Variants in ZNF599 observed in about 807,000 individuals in gnomAD.
ZNF599 encodes the protein zinc finger protein 599.
ZNF599 carries 10 observed loss-of-function variants against 11.7 expected under a neutral mutation model. The observed-to-expected ratio is 0.86, with a 90% CI of 0.53 to 1.45. ZNF599 has a LOEUF of 1.45. Among genes scored for constraint, ZNF599 ranks in the 40% most tolerant of loss-of-function variants. The pLI is 0.00. For synonymous variants in ZNF599, 232 were observed against 253.2 expected (o/e 0.92, Z 0.79); for missense variants, 688 against 713.6 (o/e 0.96, Z 0.41).
chr19:34,771,576 C>T (rs1377472141), intron 1 of ZNF599, among the ~76,000 whole-genome samples: 3 of 152,028 alleles, frequency 2.0e-5, no homozygotes, highest in East Asian at 1.9e-4. Context: ...AGAGATCTGG[C>T]GACAATGTGA....
At chr19:34,791,334 T>C in the ZNF599 span, among the ~76,000 whole-genome samples, 1 of 152,222 alleles carries the variant, frequency 6.6e-6, no homozygotes, top group African/African-American at 2.4e-5. Context: ...AAGCTTTAAA[T>C]TGAGCCACAT....
chr19:34,775,015 T>C (rs558104209), upstream of ZNF599, among the ~76,000 whole-genome samples: 1 of 152,342 alleles, frequency 6.6e-6, no homozygotes, highest in Non-Finnish European at 1.5e-5. Context: ...CACTCTCTCT[T>C]GCTCCTGCTC....
At chr19:34,777,542 C>CA (rs1198837244), upstream of ZNF599, among the ~76,000 whole-genome samples, 1 of 113,484 alleles carries the variant, frequency 8.8e-6, no homozygotes, top group Non-Finnish European at 1.7e-5. Flanking sequence ...ATCTATATAT[C>CA]TATATTATAT....
the ZNF599 span, among the ~76,000 whole-genome samples, chr19:34,803,746 G>T: frequency 6.6e-6 from 1 of 152,122 alleles, no homozygotes; most frequent in African/African-American, 2.4e-5. Flanking sequence ...TTCTTGCCAA[G>T]AAATTACCAG....
At chr19:34,789,074 A>G in the ZNF599 span, among the ~76,000 whole-genome samples, 13 of 152,144 alleles carry the variant, frequency 8.5e-5, no homozygotes, top group Admixed American at 2.0e-4. Context: ...GTATCCTTTG[A>G]GCAACTTTTC....
chr19:34,777,960 A>G (rs2069229603), upstream of ZNF599, among the ~76,000 whole-genome samples: 1 of 152,106 alleles, frequency 6.6e-6, no homozygotes, highest in Admixed American at 6.6e-5. Flanking sequence ...GCAGATGTCA[A>G]GTTAAGCGTT....
At chr19:34,795,978 C>T in the ZNF599 span, among the ~76,000 whole-genome samples, 3,582 of 152,136 alleles carry the variant, frequency 0.024, 60 homozygotes, top group Non-Finnish European at 0.036. Flanking sequence ...TGTGCCACCA[C>T]GCCCAGCTAA....
chr19:34,791,758 G>T, the ZNF599 span: 1 of 152,218 alleles, frequency 6.6e-6, no homozygotes, highest in African/African-American at 2.4e-5. Context: ...TTCCCAAAAA[G>T]AGGTCCCCAA....
intron 3 of ZNF599, chr19:34,765,380 A>G (rs1023229218): frequency 3.5e-6 from 2 of 574,180 alleles, no homozygotes; most frequent in Admixed American, 5.9e-5. Flanking sequence ...TGATTTGAAG[A>G]AGTGAGCTGA....
chr19:34,774,031 A>C (rs1210575564), upstream of ZNF599, among the ~76,000 whole-genome samples: 1 of 152,198 alleles, frequency 6.6e-6, no homozygotes, highest in East Asian at 1.9e-4. Flanking sequence ...ATACTGTTTA[A>C]ATTTTACATA....
the ZNF599 span, among the ~76,000 whole-genome samples, chr19:34,800,586 G>GT: frequency 0.39 from 44,095 of 112,562 alleles, 10,702 homozygotes; most frequent in East Asian, 0.64. Context: ...CATTTCCTTT[G>GT]TTTTTTTTTT....
At chr19:34,793,213 A>G in the ZNF599 span, among the ~76,000 whole-genome samples, 2 of 152,198 alleles carry the variant, frequency 1.3e-5, no homozygotes, top group Non-Finnish European at 2.9e-5. Context: ...AAGCATATTA[A>G]AACAATAAGT....
Position 34,762,971 on chromosome 19 carries a change from C to T in ZNF599, c.242-2412G>A, listed in dbSNP as rs979077675. 2.0e-5 allele frequency: 3 copies of T among 152,148 alleles called. No individual in the cohort carries two copies. The East Asian group carries it at 5.8e-4, about 29-fold the overall frequency. 9.4% of individuals were successfully genotyped at this position (152,148 alleles called of 1,614,324 possible). On this transcript the variant is annotated intron_variant, in intron 3 of 3. Coordinates refer to ENST00000329285, the MANE Select transcript of ZNF599 (RefSeq NM_001007248.3). ...AATGGGAAGACAAAGATAAAGTAGG[C>T]AAATATTTTACATTACTCAAATTAC...
intron 1 of ZNF599, among the ~76,000 whole-genome samples, chr19:34,771,127 A>T (rs1005753431): frequency 1.2e-4 from 18 of 152,142 alleles, no homozygotes; most frequent in Non-Finnish European, 7.4e-5. Context: ...AAAAAAAATT[A>T]GCTGGGTGTG....
chr19:34,759,728 T>C lies in ZNF599; in HGVS notation c.1073A>G (p.Asn358Ser), dbSNP rs1310500665. 8.1e-6 allele frequency: 13 copies of C among 1,614,210 alleles called. No individual in the cohort carries two copies. The highest frequency in any genetic ancestry group is 1.1e-5 in the South Asian group (1 of 91,088). ...TGGTTTTTCTCCTGTGTGGGTCACA[T>C]TGTGCTGGATAAATGTGGAGCGGTG... ...FTHRSTFIQH[N>S]VTHTGEKPFL... Residue 358 changes from asparagine to serine, a missense_variant, in exon 4 of 4, where the codon AAT (asparagine) becomes AGT (serine). Asn to Ser is a conservative substitution (Grantham distance 46). Coordinates refer to ENST00000329285, the MANE Select transcript of ZNF599 (RefSeq NM_001007248.3).
At chr19:34,784,632 C>T in the ZNF599 span, among the ~76,000 whole-genome samples, 2 of 152,052 alleles carry the variant, frequency 1.3e-5, no homozygotes, top group East Asian at 3.9e-4. Flanking sequence ...TCTATTCCTT[C>T]ATCACCATGG....
rs1201348665 is a variant in ZNF599 at position 34,772,857 on chromosome 19, G to A, written c.-16C>T. ...GCGCCGCCATGGGCCCAGGGGGCTG[G>A]GTGAGGCCGTGAGAGTCGGCGAGGA... On this transcript the variant is annotated 5_prime_UTR_variant, in exon 1 of 4. Coordinates refer to ENST00000329285, the MANE Select transcript of ZNF599 (RefSeq NM_001007248.3). 4.7e-6 allele frequency: 7 copies of A among 1,481,550 alleles called. No homozygotes were observed. The highest frequency in any genetic ancestry group is 2.8e-5 in the East Asian group (1 of 36,208). 91.8% of individuals were successfully genotyped at this position (1,481,550 alleles called of 1,614,324 possible). A position where few individuals can be genotyped will look rare whatever the true frequency, so the allele number is the denominator to read the frequency against.
the ZNF599 span, among the ~76,000 whole-genome samples, chr19:34,794,065 T>C: frequency 1.3e-5 from 2 of 152,334 alleles, no homozygotes. Flanking sequence ...TCACATCTCA[T>C]GTGGATGGCA....
chr19:34,765,774 T>C, intron 3 of ZNF599: 1 of 673,046 alleles, frequency 1.5e-6, no homozygotes, highest in East Asian at 2.7e-5. Context: ...ACATGGAACA[T>C]GTGAGTGGAT....
Sources: gnomAD v4.1 joint callset for allele counts (sites outside exome capture counted in the v4.1 genomes callset) on GRCh38, gnomAD v4.1.1 for gene constraint, MANE v1.5 for transcripts, NCBI Gene and HGNC (gene_info 2026-07-23, HGNC 2026-07-21) for gene names.